Variants in TTN observed in about 807,000 individuals in gnomAD.
The protein encoded by TTN is connectin.
In TTN, 1,525 loss-of-function variants were observed where a neutral mutation model predicts 3,223.0. The observed-to-expected ratio is 0.47, with a 90% confidence interval of 0.45 to 0.49. The LOEUF is 0.49. Ranked by LOEUF, TTN falls within the 20% of genes least tolerant of loss-of-function variation. The pLI is 0.00. For missense variants in TTN, 40,786 were observed against 43,424.0 expected (o/e 0.94, Z 5.40); for synonymous variants, 14,094 against 15,161.0 (o/e 0.93, Z 5.17).
At chr2:178,795,947 C>T (rs184323828) in intron 6 of TTN, among the ~76,000 whole-genome samples, 3 of 152,332 alleles carry the variant, frequency 2.0e-5, no homozygotes, top group African/African-American at 4.8e-5. Flanking sequence ...TTGTATTGCA[C>T]TCTGGACTTA....
At chr2:178,686,246 A>C (rs1041321783) in intron 127 of TTN, among the ~76,000 whole-genome samples, 2 of 140,022 alleles carry the variant, frequency 1.4e-5, no homozygotes, top group Admixed American at 7.5e-5. Context: ...TCAGCCTCCC[A>C]AGTAGCTGGG....
rs181364397 is a variant in TTN at position 178,758,298 on chromosome 2, A to G, written c.10304-382T>C. Among the ~76,000 whole-genome samples the G allele has an allele frequency of 3.5e-4, 54 of 152,340 alleles. No individual in the cohort carries two copies. The East Asian group carries it at 9.8e-3, about 28-fold the overall frequency. On this transcript the variant is annotated intron_variant, in intron 44 of 362. Coordinates refer to ENST00000589042, the MANE Select transcript of TTN (RefSeq NM_001267550.2). ...GTTAATGCATAAGGTTAAGAAAAAA[A>G]TAGTTTCTCTAAATCCTTATGTATT...
Position 178,604,737 on chromosome 2 carries a change from T to C in TTN, c.54352A>G (p.Thr18118Ala). 1 of 1,611,644 alleles carries C rather than the reference T, an allele frequency of 6.2e-7. No homozygotes were observed. The highest frequency in any genetic ancestry group is 1.7e-4 in the Middle Eastern group (1 of 6,042). ...SRKKAEWEEVTNTAVEKRYGI... is the reference protein window; with the variant it reads ...SRKKAEWEEVANTAVEKRYGI... ...TATCTTTTCTCTACAGCAGTGTTGG[T>C]GACTTCCTCCCATTCTGCTTTCTTC... The change falls in exon 281 of 363, where the codon ACC becomes GCC. Residue 18118 changes from threonine to alanine, a missense_variant. Thr to Ala is a moderately conservative substitution (Grantham distance 58). Transcript: ENST00000589042.
At chr2:178,712,264 T>C (rs370084523) in intron 95 of TTN, 42 bp from the exon 96 acceptor site, 42 of 1,608,704 alleles carry the variant, frequency 2.6e-5, no homozygotes, top group Non-Finnish European at 3.0e-5. Context: ...GAAGGAGACA[T>C]GCCAGATCAT....
intron 47 of TTN, chr2:178,745,845 C>A: frequency 6.2e-7 from 1 of 1,613,058 alleles, no homozygotes; most frequent in Non-Finnish European, 8.5e-7. Context: ...TCAGAAATAC[C>A]TTTGATAAAC....
rs774220321 is a variant in TTN, at chr2:178,530,324, C to G, written c.106291G>C (p.Val35431Leu). 1 of 1,613,946 alleles carries G rather than the reference C, an allele frequency of 6.2e-7. No individual in the cohort carries two copies. The highest frequency in any genetic ancestry group is 8.5e-7 in the Non-Finnish European group (1 of 1,179,870). The change falls in exon 358 of 363, where the codon GTT becomes CTT. Residue 35431 changes from valine to leucine, a missense_variant. Coordinates refer to ENST00000589042, the MANE Select transcript of TTN (RefSeq NM_001267550.2). ...AATTTAGCAACACTGTCTGAAGAAACAGTTGTATCCTGCAACCCAGTAACA... is the reference window on the plus strand; with the variant it reads ...AATTTAGCAACACTGTCTGAAGAAAGAGTTGTATCCTGCAACCCAGTAACA... ...VIVTGLQDTTVSSDSVAKFAV... is the reference protein window; with the variant it reads ...VIVTGLQDTTLSSDSVAKFAV...
chr2:178,604,664 C>A, intron 281 of TTN, 44 bp downstream of exon 281: 1 of 1,526,132 alleles, frequency 6.6e-7, no homozygotes, highest in South Asian at 1.3e-5. Flanking sequence ...AAACCAGAGT[C>A]ATGTACTTTT....
intron 47 of TTN, chr2:178,751,543 A>C: frequency 6.2e-7 from 1 of 1,613,222 alleles, no homozygotes; most frequent in Non-Finnish European, 8.5e-7. Flanking sequence ...AAGCCTCCAC[A>C]TTTTCATGTG....
intron 64 of TTN, 45 bp downstream of exon 64, chr2:178,729,243 C>G: frequency 6.4e-7 from 1 of 1,554,746 alleles, no homozygotes; most frequent in Non-Finnish European, 8.7e-7. Flanking sequence ...GATTTAAAAG[C>G]GTTACAGAAT....
intron 243 of TTN, 132 bp from the exon 244 acceptor site, chr2:178,622,140 G>A: frequency 1.2e-6 from 1 of 820,964 alleles, no homozygotes; most frequent in East Asian, 2.7e-5. Flanking sequence ...GAACCAAGGT[G>A]GCAGACACAA....
In TTN at chr2:178,741,488, A is replaced by T. The variant is rs1474095950; in HGVS notation, c.11745T>A (p.Gly3915=). 1 of 1,613,172 alleles carries T rather than the reference A, an allele frequency of 6.2e-7. No homozygotes were observed. The highest frequency in any genetic ancestry group is 8.5e-7 in the Non-Finnish European group (1 of 1,179,714). Residue 3915 remains glycine (G), a synonymous_variant, in exon 48 of 363, where the codon GGT becomes GGA. Coordinates refer to ENST00000589042, the MANE Select transcript of TTN (RefSeq NM_001267550.2). The stretch of plus-strand genomic sequence containing the variant: ...CTGATTCTGTTTCAGTGTCTTTGTG[A>T]CCCTCTCCTTTGGAATTAATTTTTA... ...AYLKINSKGE[G]HKDTETESAV... is the part of the protein sequence containing the mutation.
At chr2:178,690,566 G>C (rs72953391) in intron 121 of TTN, among the ~76,000 whole-genome samples, 3,071 of 152,138 alleles carry the variant, frequency 0.02, 58 homozygotes, top group Non-Finnish European at 0.031. Flanking sequence ...AATGTTTACA[G>C]TGTATTTGAT....
Position 178,616,912 on chromosome 2 carries a change from T to C in TTN, c.47977A>G (p.Thr15993Ala), listed in dbSNP as rs1483141685. 6 of 1,612,648 alleles carry C rather than the reference T, an allele frequency of 3.7e-6. No individual in the cohort carries two copies. The highest frequency in any genetic ancestry group is 3.3e-5 in the Admixed American group (2 of 59,902). Reference sequence around the variant, plus strand: ...TTATCTCCAAAACACCAGGTTGCAGTTGGCCTTGGATAGCCTGTACTTGGA... The same window carrying C: ...TTATCTCCAAAACACCAGGTTGCAGCTGGCCTTGGATAGCCTGTACTTGGA... ...LVPSTGYPRP[T>A]ATWCFGDKVL... Residue 15993 changes from threonine (T) to alanine (A), a missense_variant, in exon 256 of 363, where the codon ACT becomes GCT. Coordinates refer to ENST00000589042, the MANE Select transcript of TTN (RefSeq NM_001267550.2).
At position 178,740,388 on chromosome 2, in the gene TTN, A is replaced by T. The variant is rs747907234; in HGVS notation, c.12845T>A (p.Ile4282Asn). ...TAGGGGCTCATAGTTTACCTGAGAG[A>T]TCATGACATCAGGACTCTGGAGACT... ...VESLQSPDVM[I>N]SQVNYEPLVP... is the part of the protein sequence containing the mutation. Residue 4282 changes from isoleucine (I) to asparagine (N), a missense_variant, in exon 48 of 363, where the codon ATC becomes AAC. Ile to Asn is a moderately radical substitution (Grantham distance 149). Coordinates refer to ENST00000589042, the MANE Select transcript of TTN (RefSeq NM_001267550.2). 18 of 1,613,222 alleles carry T rather than the reference A, an allele frequency of 1.1e-5. No homozygotes were observed. The highest frequency in any genetic ancestry group is 2.7e-5 in the African/African-American group (2 of 74,898).
At chr2:178,749,035 CT>C in intron 47 of TTN, 1 of 1,612,482 alleles carries the variant, frequency 6.2e-7, no homozygotes. Context: ...TATGCTTCAC[CT>C]TTTTCCCCGG....
Position 178,587,981 on chromosome 2 carries a change from C to T in TTN, c.63426G>A (p.Glu21142=), listed in dbSNP as rs1284221805. The T allele has an allele frequency of 1.2e-6, 2 of 1,612,186 alleles. No individual in the cohort carries two copies. The highest frequency in any genetic ancestry group is 2.2e-5 in the East Asian group (1 of 44,554). Reference sequence around the variant, plus strand: ...CTTGGTTTTGGGCACACACCCTGAACTCATATTCCTGGTTTTCATCCAAGC... The same window carrying T: ...CTTGGTTTTGGGCACACACCCTGAATTCATATTCCTGGTTTTCATCCAAGC... ...VTSLDENQEY[E]FRVCAQNQVG... is the part of the protein sequence containing the mutation. Residue 21142 remains glutamate, a synonymous_variant, in exon 305 of 363, where the codon GAG becomes GAA. Coordinates refer to ENST00000589042, the MANE Select transcript of TTN (RefSeq NM_001267550.2).
rs1343150103 is a variant in TTN, at chr2:178,593,765, A to G, written c.58535T>C (p.Ile19512Thr). 6.2e-7 allele frequency: 1 copy of G among 1,613,218 alleles called. No individual in the cohort carries two copies. The highest frequency in any genetic ancestry group is 1.7e-5 in the Admixed American group (1 of 59,930). The change falls in exon 298 of 363, where the codon ATC becomes ACC. Residue 19512 changes from isoleucine to threonine, a missense_variant. Physicochemically the swap from Ile to Thr is moderately conservative, Grantham distance 89. Coordinates refer to ENST00000589042, the MANE Select transcript of TTN (RefSeq NM_001267550.2). ...KPPLDDGGSK[I>T]TNYIIEKKEV... The stretch of plus-strand genomic sequence containing the variant: ...CTTCTTCTCAATAATATAATTGGTG[A>G]TTTTACTGCCTCCATCATCTAAAGG...
In TTN at chr2:178,790,060, T is replaced by C; in HGVS notation, c.1856A>G (p.Lys619Arg). 1 of 1,613,228 alleles carries C rather than the reference T, an allele frequency of 6.2e-7. No individual in the cohort carries two copies. The highest frequency in any genetic ancestry group is 8.5e-7 in the Non-Finnish European group (1 of 1,179,464). The change falls in exon 12 of 363, where the codon AAA (lysine) becomes AGA (arginine). Residue 619 changes from lysine (K) to arginine (R), a missense_variant. Lys to Arg is a conservative substitution (Grantham distance 26, BLOSUM62 2). Transcript: ENST00000589042. ...TGATACTAAATCTTGTTCTTTGACT[T>C]TGGGTGTGGCAACTATGACTTTAGG... ...VVPKVIVATP[K>R]VKEQDLVSRG...
Position 178,609,991 on chromosome 2 carries a change from A to T in TTN, c.51437-5T>A. ...CTACAGGTGGATCAGGGGGTTCTGA[A>T]GAACAAGAAAAAAATGTTAGTATCA... On this transcript the variant is annotated splice_polypyrimidine_tract_variant and splice_region_variant and intron_variant, in intron 271 of 362. Transcript: ENST00000589042. The T allele has an allele frequency of 6.2e-7, 1 of 1,610,160 alleles. No individual in the cohort carries two copies. The highest frequency in any genetic ancestry group is 8.5e-7 in the Non-Finnish European group (1 of 1,178,560).
Sources: allele counts gnomAD v4.1 joint callset (sites outside exome capture counted in the v4.1 genomes callset), GRCh38; gene constraint gnomAD v4.1.1; transcripts MANE v1.5; gene names NCBI Gene and HGNC (gene_info 2026-07-23, HGNC 2026-07-21).